RANBP2: variants seen among roughly 807,000 people sequenced by gnomAD.
The protein encoded by RANBP2 is E3 SUMO-protein ligase RanBP2.
A neutral mutation model predicts 303.6 loss-of-function variants in RANBP2; 57 were observed. The ratio of observed to expected loss-of-function variants is 0.19; its 90% CI spans 0.15 to 0.23. The LOEUF (loss-of-function observed/expected upper bound fraction) is 0.23. Among genes scored for constraint, RANBP2 ranks in the 10% least tolerant of loss-of-function variants. The pLI, the probability that RANBP2 is intolerant of heterozygous loss-of-function variation, is 1.00. For missense variants in RANBP2, 3,138 were observed against 3,780.8 expected, an observed-to-expected ratio of 0.83 and a Z score of 4.46; for synonymous variants, 1,167 against 1,301.5, an observed-to-expected ratio of 0.90 and a Z score of 2.23.
At chr2:109,737,914 AC>A in the RANBP2 span, among the ~76,000 whole-genome samples, 4 of 152,188 alleles carry the variant, frequency 2.6e-5, no homozygotes, top group African/African-American at 9.7e-5. Flanking sequence ...CCATTTAAAA[AC>A]ATTGGGTTAT....
chr2:109,020,015 G>A, the RANBP2 span, among the ~76,000 whole-genome samples: 9 of 152,168 alleles, frequency 5.9e-5, no homozygotes, highest in South Asian at 2.1e-4. Context: ...GTGAAGTTTC[G>A]GGGCAGTGTG....
the RANBP2 span, among the ~76,000 whole-genome samples, chr2:109,214,765 G>A: frequency 2.0e-5 from 3 of 152,174 alleles, no homozygotes; most frequent in Admixed American, 6.5e-5. Flanking sequence ...TTGAGCCTGT[G>A]GCTTCACCCC....
Position 108,781,322 on chromosome 2 carries a change from G to T in RANBP2, c.8653G>T (p.Val2885Phe), listed in dbSNP as rs1390323827. 4 of 1,614,186 alleles carry T rather than the reference G, an allele frequency of 2.5e-6. No individual in the cohort carries two copies. In the South Asian group the frequency reaches 4.4e-5, roughly 18 times the overall value. The part of the protein sequence containing the change: ...TGAAVFGTQS[V>F]GTQSAGKVGE... ...AGCAGCTGTGTTTGGAACACAGTCA[G>T]TCGGAACCCAGTCAGCCGGTAAAGT... is the stretch of plus-strand genomic sequence containing the variant. Residue 2885 changes from valine (V) to phenylalanine (F), a missense_variant, in exon 26 of 29, where the codon GTC becomes TTC. This residue lies in a region of RANBP2 where 497 missense variants were observed against 465.8 expected (regional missense o/e 1.07). Coordinates refer to ENST00000283195, the MANE Select transcript of RANBP2 (RefSeq NM_006267.5).
the RANBP2 span, among the ~76,000 whole-genome samples, chr2:109,406,228 G>A: frequency 6.6e-6 from 1 of 152,176 alleles, no homozygotes; most frequent in African/African-American, 2.4e-5. Flanking sequence ...GTTAATCAGA[G>A]GAGAGGGAAA....
At chr2:109,130,518 C>T in the RANBP2 span, among the ~76,000 whole-genome samples, 2 of 152,172 alleles carry the variant, frequency 1.3e-5, no homozygotes, top group Admixed American at 6.5e-5. Flanking sequence ...ACGTTTCTGA[C>T]AGGGCTCTGA....
chr2:108,789,270 CTCCCT>C (rs1180750149), downstream of RANBP2, among the ~76,000 whole-genome samples: 2 of 152,158 alleles, frequency 1.3e-5, no homozygotes, highest in Admixed American at 1.3e-4. Context: ...GAAGACTCTG[CTCCCT>C]TTCTTTAAAA....
chr2:108,982,217 T>C, the RANBP2 span, among the ~76,000 whole-genome samples: 3 of 152,226 alleles, frequency 2.0e-5, no homozygotes, highest in African/African-American at 7.2e-5. Flanking sequence ...GTGGCCTCTC[T>C]AACAAAGAAA....
chr2:109,207,917 T>G, the RANBP2 span, among the ~76,000 whole-genome samples: 1 of 152,238 alleles, frequency 6.6e-6, no homozygotes, highest in South Asian at 2.1e-4. Flanking sequence ...CCAGGGATCT[T>G]GGCTTAGTTT....
At chr2:108,889,400 A>G in the RANBP2 span, among the ~76,000 whole-genome samples, 4 of 152,260 alleles carry the variant, frequency 2.6e-5, no homozygotes, top group East Asian at 5.8e-4. Context: ...GAAGTCTCTG[A>G]CTGTTATTGT....
chr2:109,333,846 T>C, the RANBP2 span, among the ~76,000 whole-genome samples: 1 of 152,292 alleles, frequency 6.6e-6, no homozygotes, highest in East Asian at 1.9e-4. Flanking sequence ...TCCATTATAA[T>C]ATTAATAATT....
chr2:108,773,560 A>G (rs1187888644), intron 23 of RANBP2, among the ~76,000 whole-genome samples: 1 of 152,170 alleles, frequency 6.6e-6, no homozygotes, highest in East Asian at 1.9e-4. Flanking sequence ...CTGTTTATGG[A>G]TTGGAAAACT....
At chr2:109,589,984 G>A in the RANBP2 span, among the ~76,000 whole-genome samples, 8 of 150,978 alleles carry the variant, frequency 5.3e-5, no homozygotes, top group Non-Finnish European at 1.2e-4. Context: ...TTAAAAATAT[G>A]CATTATGTGC....
At chr2:108,823,480 C>T in the RANBP2 span, among the ~76,000 whole-genome samples, 1 of 152,164 alleles carries the variant, frequency 6.6e-6, no homozygotes, top group Non-Finnish European at 1.5e-5. Context: ...ACTTTTTGTG[C>T]AAACATTGTA....
chr2:108,809,196 C>T, the RANBP2 span, among the ~76,000 whole-genome samples: 1 of 152,124 alleles, frequency 6.6e-6, no homozygotes, highest in Non-Finnish European at 1.5e-5. Flanking sequence ...TATGCCAATA[C>T]TATGCTGTTC....
At chr2:109,379,386 A>G in the RANBP2 span, among the ~76,000 whole-genome samples, 1 of 152,190 alleles carries the variant, frequency 6.6e-6, no homozygotes, top group South Asian at 2.1e-4. Flanking sequence ...GTTACAACCA[A>G]ACGCCAAAGC....
At chr2:109,614,649 G>A in the RANBP2 span, 2 of 1,472,246 alleles carry the variant, frequency 1.4e-6, no homozygotes, top group Non-Finnish European at 1.8e-6. Context: ...CCGCGCCCGC[G>A]CGCACTTCAA....
At chr2:109,490,612 A>C in the RANBP2 span, 1 of 1,444,080 alleles carries the variant, frequency 6.9e-7, no homozygotes, top group Non-Finnish European at 9.1e-7. Context: ...CAGAAAGAGA[A>C]GAAGAGTGGG....
the RANBP2 span, among the ~76,000 whole-genome samples, chr2:109,386,878 C>CA: frequency 2.2e-4 from 34 of 152,074 alleles, no homozygotes; most frequent in African/African-American, 7.2e-4. Context: ...TGTACAAAAT[C>CA]AAAAAAAATC....
the RANBP2 span, among the ~76,000 whole-genome samples, chr2:109,429,659 C>T: frequency 6.6e-6 from 1 of 152,260 alleles, no homozygotes; most frequent in African/African-American, 2.4e-5. Context: ...CCCCAGGCCG[C>T]GCTGACAGCT....
Sources: gnomAD v4.1 joint callset for allele counts (sites outside exome capture counted in the v4.1 genomes callset) on GRCh38, gnomAD v4.1.1 for gene constraint, gnomAD v4.1.1 regional missense constraint, MANE v1.5 for transcripts, NCBI Gene and HGNC (gene_info 2026-07-23, HGNC 2026-07-21) for gene names.